The following ZDHHC14 variants were observed in gnomAD, a reference collection of about 807,000 sequenced individuals.
ZDHHC14 encodes palmitoyltransferase ZDHHC14.
In ZDHHC14, 16 loss-of-function variants were observed where a neutral mutation model predicts 47.7. The observed-to-expected ratio is 0.34, with a 90% CI of 0.23 to 0.51. The LOEUF is 0.51. Among genes scored for constraint, ZDHHC14 ranks in the 20% least tolerant of loss-of-function variants. The pLI is 0.97. For synonymous variants in ZDHHC14, 293 were observed against 278.9 expected (o/e 1.05, Z -0.50); for missense variants, 515 against 662.5 (o/e 0.78, Z 2.44).
At chr6:157,550,810 A>T (rs1782200051) in intron 2 of ZDHHC14, among the ~76,000 whole-genome samples, 1 of 152,246 alleles carries the variant, frequency 6.6e-6, no homozygotes, top group Non-Finnish European at 1.5e-5. Context: ...CTCTTACTGC[A>T]CCAATGTCAC....
chr6:157,632,914 G>A (rs1170804047), intron 5 of ZDHHC14, 32 bp downstream of exon 5: 3 of 1,611,690 alleles, frequency 1.9e-6, no homozygotes, highest in East Asian at 4.5e-5. Context: ...TTTTCACGAT[G>A]CTAATGTGTT....
intron 7 of ZDHHC14, among the ~76,000 whole-genome samples, chr6:157,651,514 C>A (rs1292436062): frequency 6.6e-6 from 1 of 152,162 alleles, no homozygotes; most frequent in Non-Finnish European, 1.5e-5. Context: ...CTCGCAGGTA[C>A]CAGGTTAAGA....
In ZDHHC14 at chr6:157,556,422, C is replaced by T. The variant is rs142799359; in HGVS notation, c.406+13677C>T. Among the ~76,000 whole-genome samples, 11 of 152,330 alleles carry T rather than the reference C, an allele frequency of 7.2e-5. No individual in the cohort carries two copies. In the East Asian group the frequency reaches 1.3e-3, roughly 19 times the overall value. ...TGGAAAAACTGAGGCACGCAAAGGA[C>T]GAGTAACTCCCAAAGCCTCTCAACT... On this transcript the variant is annotated intron_variant, in intron 2 of 8. Coordinates refer to ENST00000359775, the MANE Select transcript of ZDHHC14 (RefSeq NM_024630.3).
intron 2 of ZDHHC14, among the ~76,000 whole-genome samples, chr6:157,560,548 T>C (rs142401428): frequency 6.6e-6 from 1 of 152,178 alleles, no homozygotes; most frequent in East Asian, 1.9e-4. Flanking sequence ...TATAAGGAAA[T>C]ATAAACAAGT....
Position 157,408,863 on chromosome 6 carries a change from A to G in ZDHHC14, c.245+26597A>G, listed in dbSNP as rs140521968. 7.8e-3 allele frequency among the ~76,000 whole-genome samples: 1,194 copies of G among 152,214 alleles called. 12 individuals are homozygous for G. The highest frequency in any genetic ancestry group is 0.027 in the African/African-American group (1,128 of 41,536). ...GGTCAAATGGTATTTCTGCTTCTAG[A>G]TCTTTGAAGAATTGCCACACTGTCT... On this transcript the variant is annotated intron_variant, in intron 1 of 8. Coordinates refer to ENST00000359775, the MANE Select transcript of ZDHHC14 (RefSeq NM_024630.3).
chr6:157,451,690 A>G (rs1269991219), intron 1 of ZDHHC14, among the ~76,000 whole-genome samples: 4 of 152,072 alleles, frequency 2.6e-5, no homozygotes, highest in African/African-American at 9.7e-5. Context: ...CCTCCCGAGT[A>G]GCTGGGATTA....
intron 1 of ZDHHC14, among the ~76,000 whole-genome samples, chr6:157,450,615 C>G (rs1245458911): frequency 6.6e-6 from 1 of 151,994 alleles, no homozygotes; most frequent in Non-Finnish European, 1.5e-5. Flanking sequence ...AACTAACCAG[C>G]CCGTAAATGG....
At chr6:157,451,006 G>A (rs1778791777) in intron 1 of ZDHHC14, among the ~76,000 whole-genome samples, 2 of 151,832 alleles carry the variant, frequency 1.3e-5, no homozygotes, top group African/African-American at 4.8e-5. Context: ...TCTTGTGTGT[G>A]TGTGTGTGTG....
At chr6:157,485,912 C>G (rs1779767989) in intron 1 of ZDHHC14, among the ~76,000 whole-genome samples, 2 of 152,202 alleles carry the variant, frequency 1.3e-5, no homozygotes, top group Admixed American at 6.5e-5. Context: ...ACTCGGGAGG[C>G]TGAGGCTGGA....
In ZDHHC14 at chr6:157,465,062, C is replaced by T. The variant is rs530717703; in HGVS notation, c.246-77523C>T. 2.0e-5 allele frequency among the ~76,000 whole-genome samples: 3 copies of T among 151,316 alleles called. No homozygotes were observed. In the East Asian group the frequency reaches 5.8e-4, roughly 29 times the overall value. ...AAAGAATTTGCAGCCATCTAACCTA[C>T]CCTGTGACATTCTAAAAAGCAGCGT... On this transcript the variant is annotated intron_variant, in intron 1 of 8. Coordinates refer to ENST00000359775, the MANE Select transcript of ZDHHC14 (RefSeq NM_024630.3).
At chr6:157,619,179 G>A (rs534071426) in intron 3 of ZDHHC14, among the ~76,000 whole-genome samples, 4 of 151,562 alleles carry the variant, frequency 2.6e-5, no homozygotes, top group African/African-American at 7.3e-5. Context: ...TCAGGAGTTC[G>A]AGACCAGCCT....
At chr6:157,602,901 A>G (rs1272352568) in intron 3 of ZDHHC14, among the ~76,000 whole-genome samples, 1 of 152,212 alleles carries the variant, frequency 6.6e-6, no homozygotes, top group Non-Finnish European at 1.5e-5. Flanking sequence ...TTTAAGCAAC[A>G]GGTCCTGTAA....
intron 2 of ZDHHC14, among the ~76,000 whole-genome samples, chr6:157,548,453 T>G (rs1480883712): frequency 6.6e-6 from 1 of 152,042 alleles, no homozygotes; most frequent in Non-Finnish European, 1.5e-5. Context: ...GTTTGTTTGT[T>G]TGTTTGTTTT....
chr6:157,492,849 A>G (rs972678646), intron 1 of ZDHHC14, among the ~76,000 whole-genome samples: 30 of 152,184 alleles, frequency 2.0e-4, no homozygotes, highest in African/African-American at 6.0e-4. Flanking sequence ...TGCTTTGCAT[A>G]AGACATTCCA....
chr6:157,559,225 G>T (rs1260171592), intron 2 of ZDHHC14, among the ~76,000 whole-genome samples: 2 of 152,194 alleles, frequency 1.3e-5, no homozygotes, highest in African/African-American at 4.8e-5. Context: ...TGTGGTGGTC[G>T]GCCATCTCTC....
chr6:157,606,193 G>T (rs376779702), intron 3 of ZDHHC14, among the ~76,000 whole-genome samples: 2 of 152,096 alleles, frequency 1.3e-5, no homozygotes. Flanking sequence ...GTCTGGAAGC[G>T]GTGGCTCATG....
chr6:157,647,195 G>A lies in ZDHHC14; in HGVS notation c.856-64G>A, dbSNP rs903992541. On this transcript the variant is annotated intron_variant, in intron 6 of 8. Transcript: ENST00000359775. ...TTCTTTATGAGCCTCTCATGGTCCA[G>A]CTCACCTCAACTGTGCGTTGGTGTG... is the stretch of plus-strand genomic sequence containing the variant. 1.5e-5 allele frequency: 17 copies of A among 1,108,286 alleles called. No individual in the cohort carries two copies. The Admixed American group carries it at 2.4e-4, about 16-fold the overall frequency. The allele number at this position is 1,108,286 out of a possible 1,614,324, so 68.7% of individuals were successfully genotyped here. A position where few individuals can be genotyped will look rare whatever the true frequency, so the allele number is the denominator to read the frequency against.
Position 157,615,913 on chromosome 6 carries a change from G to A in ZDHHC14, c.566-12436G>A, listed in dbSNP as rs917096797. On this transcript the variant is annotated intron_variant, in intron 3 of 8. Coordinates refer to ENST00000359775, the MANE Select transcript of ZDHHC14 (RefSeq NM_024630.3). ...AGGTCTAACTGCTATAGTTCAAGGG[G>A]AAGGAAGAAGAGGTGAGAGAGGGGG... Among the ~76,000 whole-genome samples the A allele has an allele frequency of 5.3e-5, 8 of 152,242 alleles. No homozygotes were observed. The East Asian group carries it at 1.2e-3, about 22-fold the overall frequency.
At chr6:157,469,535 A>C (rs1779306080) in intron 1 of ZDHHC14, among the ~76,000 whole-genome samples, 1 of 152,014 alleles carries the variant, frequency 6.6e-6, no homozygotes, top group Admixed American at 6.5e-5. Context: ...AATCTTAGTG[A>C]CTCCTGACAA....
Sources: gnomAD v4.1 joint callset for allele counts (sites outside exome capture counted in the v4.1 genomes callset) on GRCh38, gnomAD v4.1.1 for gene constraint, MANE v1.5 for transcripts, NCBI Gene and HGNC (gene_info 2026-07-23, HGNC 2026-07-21) for gene names.